HCK: variants seen among roughly 807,000 people sequenced by gnomAD.
The protein encoded by HCK is HCK proto-oncogene, Src family tyrosine kinase, also known as tyrosine-protein kinase HCK.
In HCK, 40 loss-of-function variants were observed where a neutral mutation model predicts 70.4. The observed-to-expected ratio is 0.57, with a 90% CI of 0.44 to 0.74. The LOEUF is 0.74. Among genes scored for constraint, HCK ranks in the 30% least tolerant of loss-of-function variants. HCK has a pLI of 0.00. For synonymous variants in HCK, 245 were observed against 263.2 expected, an observed-to-expected ratio of 0.93 and a Z score of 0.67; for missense variants, 568 against 697.2, an observed-to-expected ratio of 0.81 and a Z score of 2.09.
Position 32,084,438 on chromosome 20 carries a change from T to G in HCK, c.730T>G (p.Ser244Ala). ...GAAACTGTCGGTGCCCTGCATGTCT[T>G]CCAAGCCCCAGAAGCCTTGGGAGAA... The change falls in exon 8 of 13, where the codon TCC becomes GCC. Residue 244 changes from serine (S) to alanine (A), a missense_variant. Around this residue, in one of 4 missense-constraint regions of HCK, gnomAD observed 318 missense variants for 336.0 expected, o/e 0.95. Coordinates refer to ENST00000375852, the MANE Select transcript of HCK (RefSeq NM_002110.5). 1 of 1,614,068 alleles carries G rather than the reference T, an allele frequency of 6.2e-7. No homozygotes were observed. The highest frequency in any genetic ancestry group is 8.5e-7 in the Non-Finnish European group (1 of 1,179,966).
chr20:32,074,051 T>C (rs2045584968), intron 4 of HCK, among the ~76,000 whole-genome samples: 1 of 152,220 alleles, frequency 6.6e-6, no homozygotes, highest in Non-Finnish European at 1.5e-5. Flanking sequence ...TGACGCTTTC[T>C]CAGGGAAGCC....
intron 6 of HCK, among the ~76,000 whole-genome samples, chr20:32,080,905 T>C (rs976712659): frequency 1.3e-5 from 2 of 151,574 alleles, no homozygotes; most frequent in African/African-American, 4.9e-5. Flanking sequence ...CTGGGCAACA[T>C]AGTGAGACCC....
chr20:32,058,335 C>A (rs55726906), intron 1 of HCK, among the ~76,000 whole-genome samples: 2,391 of 152,110 alleles, frequency 0.016, 71 homozygotes, highest in African/African-American at 0.053. Context: ...AGTTCAAGAC[C>A]AGCCTGGCCA....
intron 1 of HCK, among the ~76,000 whole-genome samples, chr20:32,067,396 C>T (rs1427687899): frequency 6.6e-6 from 1 of 152,132 alleles, no homozygotes; most frequent in African/African-American, 2.4e-5. Context: ...TTCCCCTTCC[C>T]CCAGCCCCTG....
At chr20:32,054,303 G>A (rs2045230847) in intron 1 of HCK, 1 of 455,674 alleles carries the variant, frequency 2.2e-6, no homozygotes, top group African/African-American at 2.0e-5. Flanking sequence ...CAACACGTAG[G>A]ATTGTTTTGT....
intron 1 of HCK, 98 bp from the exon 2 acceptor site, chr20:32,071,564 C>G: frequency 6.6e-7 from 1 of 1,509,396 alleles, no homozygotes; most frequent in Non-Finnish European, 9.0e-7. Flanking sequence ...CCAGTGGGAG[C>G]CAGCCCGGGG....
chr20:32,068,356 A>G (rs2045490255), intron 1 of HCK, among the ~76,000 whole-genome samples: 1 of 151,864 alleles, frequency 6.6e-6, no homozygotes, highest in South Asian at 2.1e-4. Context: ...AATAAATTTA[A>G]AAGGAAAATA....
chr20:32,099,385 T>C (rs1362898185), intron 12 of HCK, among the ~76,000 whole-genome samples: 1 of 135,906 alleles, frequency 7.4e-6, no homozygotes, highest in Non-Finnish European at 1.5e-5. Flanking sequence ...TGAGACGGAG[T>C]CTCCCTCTGT....
intron 11 of HCK, among the ~76,000 whole-genome samples, chr20:32,096,333 C>T (rs1249956645): frequency 6.6e-6 from 1 of 151,636 alleles, no homozygotes; most frequent in East Asian, 2.0e-4. Flanking sequence ...CCTGTCTCTA[C>T]TAAAGATACA....
At chr20:32,058,969 C>G (rs1287296158) in intron 1 of HCK, among the ~76,000 whole-genome samples, 2 of 152,184 alleles carry the variant, frequency 1.3e-5, no homozygotes, top group Non-Finnish European at 2.9e-5. Flanking sequence ...TGTGATAATT[C>G]TCTAGCACTT....
intron 1 of HCK, among the ~76,000 whole-genome samples, chr20:32,060,413 G>A (rs904428621): frequency 3.3e-5 from 5 of 152,096 alleles, no homozygotes; most frequent in African/African-American, 4.8e-5. Context: ...TTGAGACAGG[G>A]TTTCACCATG....
intron 5 of HCK, among the ~76,000 whole-genome samples, chr20:32,076,986 G>C (rs1436015476): frequency 6.6e-6 from 1 of 152,160 alleles, no homozygotes; most frequent in Non-Finnish European, 1.5e-5. Context: ...CTCAGAGGCT[G>C]AGGCACGAGA....
At chr20:32,073,422 C>A in intron 3 of HCK, 61 bp downstream of exon 3, 1 of 1,402,080 alleles carries the variant, frequency 7.1e-7, no homozygotes, top group Non-Finnish European at 9.9e-7. Context: ...CCGCTAGGTT[C>A]TCCCTTAGCT....
intron 8 of HCK, among the ~76,000 whole-genome samples, chr20:32,085,287 TG>T (rs1363670036): frequency 6.6e-6 from 1 of 152,162 alleles, no homozygotes; most frequent in Non-Finnish European, 1.5e-5. Flanking sequence ...CCGAGGCAAG[TG>T]GATCAATCAA....
rs577506626 is a variant in HCK at position 32,075,523 on chromosome 20, C to T, written c.428+802C>T. Among the ~76,000 whole-genome samples the T allele has an allele frequency of 1.2e-4, 18 of 152,182 alleles. No homozygotes were observed. The South Asian group carries it at 2.5e-3, about 21-fold the overall frequency. ...TGGCCCATCCCTCATTTGATTCATT[C>T]GACAAGCACATGCTCATGACTCTTC... On this transcript the variant is annotated intron_variant, in intron 5 of 12. Transcript: ENST00000375852.
At chr20:32,071,387 T>C (rs2045536190) in intron 1 of HCK, among the ~76,000 whole-genome samples, 1 of 152,214 alleles carries the variant, frequency 6.6e-6, no homozygotes, top group Non-Finnish European at 1.5e-5. Context: ...TGAATAAACA[T>C]CCATCACGCT....
At position 32,060,376 on chromosome 20, in the gene HCK, A is replaced by G. The variant is rs145407551; in HGVS notation, c.62+7890A>G. 4.1e-3 allele frequency among the ~76,000 whole-genome samples: 630 copies of G among 152,134 alleles called. 2 individuals are homozygous for G. The highest frequency in any genetic ancestry group is 0.015 in the African/African-American group (610 of 41,494). ...GCTGGGATTACAGGCACCCACTACCACGCCCAGCTAATTTTTGTATTTTTG... is the reference window on the plus strand; with the variant it reads ...GCTGGGATTACAGGCACCCACTACCGCGCCCAGCTAATTTTTGTATTTTTG... On this transcript the variant is annotated intron_variant, in intron 1 of 12. Coordinates refer to ENST00000375852, the MANE Select transcript of HCK (RefSeq NM_002110.5).
Position 32,073,833 on chromosome 20 carries a change from C to T in HCK, c.329+15C>T. The T allele has an allele frequency of 1.4e-6, 2 of 1,480,440 alleles. No homozygotes were observed. The highest frequency in any genetic ancestry group is 1.8e-6 in the Non-Finnish European group (2 of 1,081,814). The allele number at this position is 1,480,440 out of a possible 1,614,324, so 91.7% of individuals were successfully genotyped here. On this transcript the variant is annotated intron_variant, in intron 4 of 12. Coordinates refer to ENST00000375852, the MANE Select transcript of HCK (RefSeq NM_002110.5). ...GTCCTAGAGGAGTGAGTCCCCATCC[C>T]ACTCCCCCTAAGACAGACCTGCCTC... is the stretch of plus-strand genomic sequence containing the variant.
intron 1 of HCK, among the ~76,000 whole-genome samples, chr20:32,068,817 A>G (rs2045497552): frequency 1.3e-5 from 2 of 151,574 alleles, no homozygotes; most frequent in Non-Finnish European, 1.5e-5. Flanking sequence ...GGTAGTTTGT[A>G]ACTGTAGTCC....
Sources: gnomAD v4.1 joint callset for allele counts (sites outside exome capture counted in the v4.1 genomes callset) on GRCh38, gnomAD v4.1.1 for gene constraint, gnomAD v4.1.1 regional missense constraint, MANE v1.5 for transcripts, NCBI Gene and HGNC (gene_info 2026-07-23, HGNC 2026-07-21) for gene names.